Variants in ACVR1C observed in about 807,000 individuals in gnomAD.
The protein encoded by ACVR1C is activin A receptor type 1C, also known as activin receptor type-1C.
Under a neutral mutation model 57.9 loss-of-function variants are expected in ACVR1C, and 23 were observed. That is an observed-to-expected ratio of 0.40 (90% CI 0.29 to 0.56). The LOEUF is 0.56. Ranked by LOEUF, ACVR1C falls within the 20% of genes least tolerant of loss-of-function variation. The pLI, the probability that ACVR1C is intolerant of heterozygous loss-of-function variation, is 0.50. For synonymous variants in ACVR1C, 214 were observed against 215.3 expected, an observed-to-expected ratio of 0.99 and a Z score of 0.05; for missense variants, 480 against 607.9, an observed-to-expected ratio of 0.79 and a Z score of 2.21.
chr2:157,587,531 A>T, intron 1 of ACVR1C, 114 bp from the exon 2 acceptor site: 1 of 770,438 alleles, frequency 1.3e-6, no homozygotes, highest in Non-Finnish European at 2.1e-6. Flanking sequence ...GGGTTTAAAT[A>T]AAAACACTTG....
rs576981559 is a variant in ACVR1C at position 157,600,904 on chromosome 2, C to T, written c.74-13487G>A. Among the ~76,000 whole-genome samples the T allele has an allele frequency of 5.9e-5, 9 of 152,292 alleles. No homozygotes were observed. The South Asian group carries it at 1.7e-3, about 28-fold the overall frequency. ...TAAAAAGGGCGCATCACCTACCCCT[C>T]CCTTCAAAGAATATGGGTGGGAAAG... is the stretch of plus-strand genomic sequence containing the variant. On this transcript the variant is annotated intron_variant, in intron 1 of 8. Coordinates refer to ENST00000243349, the MANE Select transcript of ACVR1C (RefSeq NM_145259.3).
At chr2:157,551,332 T>C (rs1235571220) in intron 3 of ACVR1C, among the ~76,000 whole-genome samples, 1 of 152,216 alleles carries the variant, frequency 6.6e-6, no homozygotes, top group African/African-American at 2.4e-5. Context: ...CCTAGCACAG[T>C]ATCTGGCATA....
At position 157,532,242 on chromosome 2, in the gene ACVR1C, C is replaced by CT. The variant is rs1558965276; in HGVS notation, c.*1675dup. ...ACGCTATTACCCAAGCTGTGCTTTGCTTTATAGAACAGTTAAATATGGGAT... is the reference window on the plus strand; with the variant it reads ...ACGCTATTACCCAAGCTGTGCTTTGCTTTTATAGAACAGTTAAATATGGGAT... On this transcript the variant is annotated 3_prime_UTR_variant, in exon 9 of 9. Coordinates refer to ENST00000243349, the MANE Select transcript of ACVR1C (RefSeq NM_145259.3). The CT allele has an allele frequency of 6.6e-6, 1 of 151,954 alleles. No homozygotes were observed. The highest frequency in any genetic ancestry group is 1.5e-5 in the Non-Finnish European group (1 of 67,978). 9.4% of individuals were successfully genotyped at this position (151,954 alleles called of 1,614,324 possible). A position where few individuals can be genotyped will look rare whatever the true frequency, so the allele number is the denominator to read the frequency against.
chr2:157,587,097 A>T, intron 2 of ACVR1C, 90 bp downstream of exon 2: 1 of 1,173,710 alleles, frequency 8.5e-7, no homozygotes, highest in Non-Finnish European at 1.2e-6. Flanking sequence ...TTTCCTATTT[A>T]AAGAAACATA....
At chr2:157,607,624 T>A (rs1682434475) in intron 1 of ACVR1C, among the ~76,000 whole-genome samples, 1 of 151,854 alleles carries the variant, frequency 6.6e-6, no homozygotes, top group Admixed American at 6.6e-5. Context: ...CATTTGTTCA[T>A]GTCCTTTTCA....
At chr2:157,605,641 A>G (rs1020416498) in intron 1 of ACVR1C, among the ~76,000 whole-genome samples, 9 of 151,624 alleles carry the variant, frequency 5.9e-5, no homozygotes, top group Admixed American at 5.3e-4. Context: ...ACCTATGGAC[A>G]TCCTCCCCTA....
chr2:157,612,129 T>G (rs1682548781), intron 1 of ACVR1C, among the ~76,000 whole-genome samples: 1 of 152,180 alleles, frequency 6.6e-6, no homozygotes, highest in African/African-American at 2.4e-5. Flanking sequence ...GTGCTCTTGG[T>G]GTGGGCAAAG....
intron 1 of ACVR1C, among the ~76,000 whole-genome samples, chr2:157,588,662 G>A (rs1688984839): frequency 7.5e-6 from 1 of 133,392 alleles, no homozygotes; most frequent in Non-Finnish European, 1.5e-5. Context: ...TCATAGCTTA[G>A]CTCCCTTTTA....
At chr2:157,553,640 C>T (rs1687974209) in intron 3 of ACVR1C, among the ~76,000 whole-genome samples, 1 of 151,978 alleles carries the variant, frequency 6.6e-6, no homozygotes, top group South Asian at 2.1e-4. Context: ...AGGAATAGTT[C>T]CAAAATGCAC....
intron 1 of ACVR1C, among the ~76,000 whole-genome samples, chr2:157,595,750 A>G (rs917561548): frequency 6.6e-6 from 1 of 152,134 alleles, no homozygotes; most frequent in African/African-American, 2.4e-5. Flanking sequence ...CTTCCGGAGC[A>G]CTGGTCTCCT....
chr2:157,602,137 A>C (rs1000803487), intron 1 of ACVR1C, among the ~76,000 whole-genome samples: 4 of 152,228 alleles, frequency 2.6e-5, no homozygotes, highest in African/African-American at 7.2e-5. Context: ...AAAATAAAAA[A>C]AAAATTGACA....
At chr2:157,617,290 A>T (rs1481166303) in intron 1 of ACVR1C, among the ~76,000 whole-genome samples, 1 of 152,066 alleles carries the variant, frequency 6.6e-6, no homozygotes, top group East Asian at 1.9e-4. Context: ...AAAATATATA[A>T]AATAGAAACT....
chr2:157,605,427 C>A (rs1159013770), intron 1 of ACVR1C, among the ~76,000 whole-genome samples: 3 of 151,602 alleles, frequency 2.0e-5, no homozygotes, highest in Non-Finnish European at 4.4e-5. Flanking sequence ...ACGTAAATTC[C>A]TGCTGAGATT....
intron 7 of ACVR1C, among the ~76,000 whole-genome samples, chr2:157,540,351 C>T (rs1687593841): frequency 6.6e-6 from 1 of 152,046 alleles, no homozygotes; most frequent in South Asian, 2.1e-4. Context: ...TTCTTCCTCT[C>T]ATTATTAAGT....
At chr2:157,599,092 T>C (rs1573946765) in intron 1 of ACVR1C, among the ~76,000 whole-genome samples, 1 of 151,710 alleles carries the variant, frequency 6.6e-6, no homozygotes, top group Non-Finnish European at 1.5e-5. Context: ...ACCAGCACTT[T>C]GGGAGGACGA....
At chr2:157,598,609 G>A (rs1027069452) in intron 1 of ACVR1C, among the ~76,000 whole-genome samples, 5 of 149,068 alleles carry the variant, frequency 3.4e-5, no homozygotes, top group African/African-American at 7.4e-5. Context: ...GCACAACCTC[G>A]GCTCACTGCA....
chr2:157,609,338 A>C (rs1004752373), intron 1 of ACVR1C, among the ~76,000 whole-genome samples: 2 of 151,986 alleles, frequency 1.3e-5, no homozygotes, highest in African/African-American at 4.8e-5. Context: ...AAGATACTTG[A>C]TATGAGTTTA....
chr2:157,602,681 T>C (rs1397072556), intron 1 of ACVR1C, among the ~76,000 whole-genome samples: 1 of 152,170 alleles, frequency 6.6e-6, no homozygotes, highest in East Asian at 1.9e-4. Context: ...GTAATATTTA[T>C]TTAGGTTGGA....
chr2:157,564,518 T>C (rs1203493148), intron 2 of ACVR1C, among the ~76,000 whole-genome samples: 1 of 152,188 alleles, frequency 6.6e-6, no homozygotes, highest in Non-Finnish European at 1.5e-5. Context: ...GAATGTAAAT[T>C]AGCTCAACCA....
Sources: allele counts gnomAD v4.1 joint callset (sites outside exome capture counted in the v4.1 genomes callset), GRCh38; gene constraint gnomAD v4.1.1; transcripts MANE v1.5; gene names NCBI Gene and HGNC (gene_info 2026-07-23, HGNC 2026-07-21).